TBL1XR1: variants seen among roughly 807,000 people sequenced by gnomAD.
TBL1XR1 encodes TBL1X/Y related 1, also known as F-box-like/WD repeat-containing protein TBL1XR1.
Under a neutral mutation model 66.9 loss-of-function variants are expected in TBL1XR1, and 5 were observed. That is an observed-to-expected ratio of 0.07 (90% CI 0.04 to 0.16). The LOEUF (loss-of-function observed/expected upper bound fraction) is 0.16, where lower values mean the gene tolerates loss of function less well. Ranked by LOEUF, TBL1XR1 falls within the 10% of genes least tolerant of loss-of-function variation. The pLI, the probability that TBL1XR1 is intolerant of heterozygous loss-of-function variation, is 1.00. For missense variants in TBL1XR1, 238 were observed against 623.2 expected (o/e 0.38, Z 6.58); for synonymous variants, 210 against 206.0 (o/e 1.02, Z -0.17).
intron 1 of TBL1XR1, among the ~76,000 whole-genome samples, chr3:177,110,380 C>T (rs1483908317): frequency 2.0e-5 from 3 of 152,180 alleles, no homozygotes; most frequent in Non-Finnish European, 4.4e-5. Flanking sequence ...TCCAGCAAAG[C>T]TTACAATGTA....
chr3:177,198,501 G>A (rs182535090), upstream of TBL1XR1, among the ~76,000 whole-genome samples: 1 of 152,346 alleles, frequency 6.6e-6, no homozygotes, highest in Admixed American at 6.5e-5. Context: ...TAACTTAGAT[G>A]AGTGATAATG....
At chr3:177,133,736 T>C (rs942904054) in intron 1 of TBL1XR1, among the ~76,000 whole-genome samples, 12 of 151,906 alleles carry the variant, frequency 7.9e-5, no homozygotes, top group Admixed American at 7.2e-4. Context: ...ACCCCATCTC[T>C]GCTAAAAATA....
At chr3:177,188,811 A>C (rs1735759664) in intron 1 of TBL1XR1, among the ~76,000 whole-genome samples, 1 of 152,236 alleles carries the variant, frequency 6.6e-6, no homozygotes, top group Non-Finnish European at 1.5e-5. Context: ...GTCCACACTA[A>C]TTCTGAGTTA....
At chr3:177,041,927 A>G (rs1349260068) in intron 10 of TBL1XR1, among the ~76,000 whole-genome samples, 1 of 152,088 alleles carries the variant, frequency 6.6e-6, no homozygotes, top group Non-Finnish European at 1.5e-5. Context: ...CCCAGTCCCC[A>G]CTGGACAATC....
intron 2 of TBL1XR1, among the ~76,000 whole-genome samples, chr3:177,071,750 A>G (rs1428021628): frequency 6.6e-6 from 1 of 152,242 alleles, no homozygotes; most frequent in Non-Finnish European, 1.5e-5. Flanking sequence ...CCCAGCTACT[A>G]GTAAACCCAG....
intron 10 of TBL1XR1, among the ~76,000 whole-genome samples, chr3:177,044,219 C>A (rs1716004987): frequency 6.6e-6 from 1 of 152,132 alleles, no homozygotes; most frequent in Non-Finnish European, 1.5e-5. Context: ...AATAACATAT[C>A]TTCTGTGTCT....
At chr3:177,117,026 A>G (rs924870599) in intron 1 of TBL1XR1, among the ~76,000 whole-genome samples, 1 of 152,214 alleles carries the variant, frequency 6.6e-6, no homozygotes, top group Non-Finnish European at 1.5e-5. Flanking sequence ...CCGGTTTCTA[A>G]ACACACTGCT....
chr3:177,180,708 C>G (rs1734718642), intron 1 of TBL1XR1, among the ~76,000 whole-genome samples: 1 of 151,844 alleles, frequency 6.6e-6, no homozygotes, highest in Non-Finnish European at 1.5e-5. Context: ...AACCAAATGT[C>G]TCTAAATACC....
chr3:177,042,879 CGAA>C (rs1455302880), intron 10 of TBL1XR1, among the ~76,000 whole-genome samples: 3 of 151,492 alleles, frequency 2.0e-5, no homozygotes, highest in East Asian at 1.9e-4. Flanking sequence ...AACCTATGAG[CGAA>C]GAAGGATGCA....
rs1723101039 is a variant in TBL1XR1, at chr3:177,093,612, T to C, written c.-46+4854A>G. ...AGTCACCAAAACAGCATGATACTGGTATAAAAATAGGCACATAGGCCAATG... is the reference window on the plus strand; with the variant it reads ...AGTCACCAAAACAGCATGATACTGGCATAAAAATAGGCACATAGGCCAATG... On this transcript the variant is annotated intron_variant, in intron 2 of 15. Coordinates refer to ENST00000457928, the MANE Select transcript of TBL1XR1 (RefSeq NM_024665.7). Among the ~76,000 whole-genome samples the C allele has an allele frequency of 2.6e-5, 4 of 152,118 alleles. No individual in the cohort carries two copies. The South Asian group carries it at 8.3e-4, about 32-fold the overall frequency.
In TBL1XR1 at chr3:177,020,381, T is replaced by C. The variant is rs886872082; in HGVS notation, c.*5117A>G. ...CTCTATTATACTTTAATAAAAATAGTAAATAACCCCTTCATTTAAAAAAAT... is the reference window on the plus strand; with the variant it reads ...CTCTATTATACTTTAATAAAAATAGCAAATAACCCCTTCATTTAAAAAAAT... On this transcript the variant is annotated 3_prime_UTR_variant, in exon 16 of 16. Coordinates refer to ENST00000457928, the MANE Select transcript of TBL1XR1 (RefSeq NM_024665.7). 3 of 152,190 alleles carry C rather than the reference T, an allele frequency of 2.0e-5. No homozygotes were observed. The highest frequency in any genetic ancestry group is 7.2e-5 in the African/African-American group (3 of 41,466). 9.4% of individuals were successfully genotyped at this position (152,190 alleles called of 1,614,324 possible). A position where few individuals can be genotyped will look rare whatever the true frequency, so the allele number is the denominator to read the frequency against.
chr3:177,026,625 T>C, intron 14 of TBL1XR1, 151 bp from the exon 15 acceptor site: 2 of 575,708 alleles, frequency 3.5e-6, no homozygotes, highest in Non-Finnish European at 5.9e-6. Context: ...ATTCTAGAAA[T>C]GTAATATGAT....
intron 1 of TBL1XR1, chr3:177,120,681 T>A (rs1726881871): frequency 6.6e-6 from 1 of 152,158 alleles, no homozygotes; most frequent in Admixed American, 6.6e-5. Context: ...CCAAATTTAC[T>A]TTTTTTATTT....
chr3:177,158,928 G>T (rs1419750038), intron 1 of TBL1XR1, among the ~76,000 whole-genome samples: 1 of 151,906 alleles, frequency 6.6e-6, no homozygotes, highest in East Asian at 1.9e-4. Context: ...AAACTACTAA[G>T]GCCACTAAAT....
intron 1 of TBL1XR1, among the ~76,000 whole-genome samples, chr3:177,144,650 G>C (rs1256063671): frequency 6.6e-6 from 1 of 152,006 alleles, no homozygotes; most frequent in Admixed American, 6.6e-5. Context: ...GCTACTCAGA[G>C]GCTGAGGCAG....
At chr3:177,076,373 T>C (rs1720704124) in intron 2 of TBL1XR1, among the ~76,000 whole-genome samples, 1 of 152,224 alleles carries the variant, frequency 6.6e-6, no homozygotes, top group Non-Finnish European at 1.5e-5. Context: ...GTTCTCCCTC[T>C]GTATGTGCCC....
At chr3:177,142,303 T>A (rs1265638922) in intron 1 of TBL1XR1, among the ~76,000 whole-genome samples, 1 of 152,194 alleles carries the variant, frequency 6.6e-6, no homozygotes, top group Non-Finnish European at 1.5e-5. Context: ...GAGGGCCAGC[T>A]CAGGAGCAGT....
chr3:177,059,148 C>T (rs1174358476), intron 3 of TBL1XR1, among the ~76,000 whole-genome samples: 1 of 152,218 alleles, frequency 6.6e-6, no homozygotes, highest in Non-Finnish European at 1.5e-5. Flanking sequence ...GCTCTCTTCA[C>T]TGCAGTTCTT....
intron 1 of TBL1XR1, among the ~76,000 whole-genome samples, chr3:177,194,795 G>C (rs1188994668): frequency 1.3e-5 from 2 of 152,048 alleles, no homozygotes; most frequent in Admixed American, 1.3e-4. Context: ...CCTTTAATTA[G>C]GTGTCGAGAA....
Sources: gnomAD v4.1 joint callset for allele counts (sites outside exome capture counted in the v4.1 genomes callset) on GRCh38, gnomAD v4.1.1 for gene constraint, MANE v1.5 for transcripts, NCBI Gene and HGNC (gene_info 2026-07-23, HGNC 2026-07-21) for gene names.